Variants in NPFFR1 observed in about 807,000 individuals in gnomAD.
NPFFR1 encodes the protein G-protein coupled receptor 147.
A neutral mutation model predicts 12.7 loss-of-function variants in NPFFR1; 17 were observed. That is an observed-to-expected ratio of 1.34 (90% confidence interval 0.92 to 2.01). NPFFR1 has a LOEUF of 2.01. Among genes scored for constraint, NPFFR1 ranks in the 30% most tolerant of loss-of-function variants. NPFFR1 has a pLI of 0.00. For synonymous variants in NPFFR1, 296 were observed against 264.5 expected, an observed-to-expected ratio of 1.12 and a Z score of -1.16; for missense variants, 604 against 606.5, an observed-to-expected ratio of 1.00 and a Z score of 0.04.
At chr10:70,265,981 A>G in intron 2 of NPFFR1, 96 bp downstream of exon 2, 1 of 1,199,430 alleles carries the variant, frequency 8.3e-7, no homozygotes, top group Admixed American at 1.9e-5. Context: ...CCAGCCCAGC[A>G]ATGATATCTG....
Position 70,265,821 on chromosome 10 carries a change from T to G in NPFFR1, c.322+256A>C, listed in dbSNP as rs1238197343. On this transcript the variant is annotated intron_variant, in intron 2 of 3. Coordinates refer to ENST00000277942, the MANE Select transcript of NPFFR1 (RefSeq NM_022146.5). ...GACCATAAACTCTACTTCACTGGAT[T>G]GTTGTGAGGATGAATTAAGATAATG... 3.3e-5 allele frequency among the ~76,000 whole-genome samples: 5 copies of G among 152,312 alleles called. 2 individuals carry two copies. Among genetic ancestry groups the G allele is most frequent in the Admixed American group, 3.3e-4 (5 of 15,294 alleles).
rs752672667 is a variant in NPFFR1 at position 70,255,816 on chromosome 10, A to G, written c.434T>C (p.Ile145Thr). 1 of 1,607,864 alleles carries G rather than the reference A, an allele frequency of 6.2e-7. No individual in the cohort carries two copies. The highest frequency in any genetic ancestry group is 1.1e-5 in the South Asian group (1 of 89,814). Residue 145 changes from isoleucine to threonine, a missense_variant, in exon 4 of 4, where the codon ATC becomes ACC. Transcript: ENST00000277942. The surrounding 1 kb of genome is among the most constrained non-coding windows in gnomAD (Gnocchi z 4.2). The stretch of plus-strand genomic sequence containing the variant: ...CAGCTTCTCGCGGAAAGGGTGCACG[A>G]TGCAGCGGAACCTGCCGCGGGGAGA... ...VAIAVERFRC[I>T]VHPFREKLTL... is the part of the protein sequence containing the mutation.
Position 70,250,672 on chromosome 10 carries a change from A to G in NPFFR1, c.*4285T>C, listed in dbSNP as rs773269209. ...CTGCAAACTGTCTGATTCCATCTAC[A>G]TGACATTCTGAAATCAGATCATCGT... On this transcript the variant is annotated 3_prime_UTR_variant, in exon 4 of 4. Transcript: ENST00000277942. The G allele has an allele frequency of 5.3e-5, 8 of 152,222 alleles. No homozygotes were observed. Among genetic ancestry groups the G allele is most frequent in the Non-Finnish European group, 1.0e-4 (7 of 68,036 alleles). The allele number at this position is 152,222 out of a possible 1,614,324, so 9.4% of individuals were successfully genotyped here.
intron 3 of NPFFR1, 24 bp downstream of exon 3, chr10:70,260,616 T>C: frequency 1.9e-6 from 3 of 1,586,874 alleles, no homozygotes; most frequent in Non-Finnish European, 1.7e-6. Flanking sequence ...GGCTCAGGCA[T>C]AATCCAGCCA....
intron 1 of NPFFR1, among the ~76,000 whole-genome samples, chr10:70,270,878 T>A (rs1840738310): frequency 6.6e-6 from 1 of 152,098 alleles, no homozygotes; most frequent in South Asian, 2.1e-4. Flanking sequence ...GGTGTAATAA[T>A]GGTTGTCTCC....
chr10:70,259,519 G>A lies in NPFFR1; in HGVS notation c.422+1121C>T, dbSNP rs1056924327. Among the ~76,000 whole-genome samples the A allele has an allele frequency of 5.3e-5, 8 of 152,126 alleles. No homozygotes were observed. In the East Asian group the frequency reaches 1.4e-3, roughly 26 times the overall value. On this transcript the variant is annotated intron_variant, in intron 3 of 3. Coordinates refer to ENST00000277942, the MANE Select transcript of NPFFR1 (RefSeq NM_022146.5). Reference sequence around the variant, plus strand: ...CAACAATGATAACAAAACAAAGGTCGATGAAGGGAAGGGACTTCTCCTGAT... The same window carrying A: ...CAACAATGATAACAAAACAAAGGTCAATGAAGGGAAGGGACTTCTCCTGAT...
intron 3 of NPFFR1, among the ~76,000 whole-genome samples, chr10:70,257,665 A>T (rs537152220): frequency 3.3e-4 from 51 of 152,370 alleles, no homozygotes; most frequent in Non-Finnish European, 5.3e-4. Flanking sequence ...GAGGTGGATT[A>T]GTAAAAGAGG....
At position 70,266,173 on chromosome 10, in the gene NPFFR1, T is replaced by C; in HGVS notation, c.226A>G (p.Thr76Ala). 1 of 1,613,978 alleles carries C rather than the reference T, an allele frequency of 6.2e-7. No individual in the cohort carries two copies. The highest frequency in any genetic ancestry group is 1.1e-5 in the South Asian group (1 of 91,068). ...FIVLKNRHMHTVTNMFILNLA... is the reference protein window; with the variant it reads ...FIVLKNRHMHAVTNMFILNLA... Reference sequence around the variant, plus strand: ...TTGAGGATGAACATGTTGGTGACAGTATGCATGTGCCGGTTCTTGAGCACG... The same window carrying C: ...TTGAGGATGAACATGTTGGTGACAGCATGCATGTGCCGGTTCTTGAGCACG... The change falls in exon 2 of 4, where the codon ACT becomes GCT. Residue 76 changes from threonine to alanine, a missense_variant. Coordinates refer to ENST00000277942, the MANE Select transcript of NPFFR1 (RefSeq NM_022146.5).
intron 1 of NPFFR1, 49 bp downstream of exon 1, chr10:70,283,621 G>T (rs1840884920): frequency 1.3e-6 from 2 of 1,515,118 alleles, no homozygotes; most frequent in East Asian, 4.9e-5. Flanking sequence ...CCATGCCCCG[G>T]AGTCGGTACC....
In NPFFR1 at chr10:70,252,261, G is replaced by A. The variant is rs554939865; in HGVS notation, c.*2696C>T. The A allele has an allele frequency of 1.3e-5, 2 of 152,364 alleles. No homozygotes were observed. Among genetic ancestry groups the A allele is most frequent in the Non-Finnish European group, 2.9e-5 (2 of 68,056 alleles). 9.4% of individuals were successfully genotyped at this position (152,364 alleles called of 1,614,324 possible). Reference sequence around the variant, plus strand: ...ATGAACCTTGAAGACATTGTGCTAAGTGAAAGAAGCCAGTCAAAAAGGATA... The same window carrying A: ...ATGAACCTTGAAGACATTGTGCTAAATGAAAGAAGCCAGTCAAAAAGGATA... On this transcript the variant is annotated 3_prime_UTR_variant, in exon 4 of 4. Transcript: ENST00000277942.
In NPFFR1 at chr10:70,283,725, G is replaced by T. The variant is rs372700299; in HGVS notation, c.-49C>A. ...GCGGTCTCCGATGGCGGGAGGCAGC[G>T]GGCCCCTTCGGGCCAGCGGGCAGAG... On this transcript the variant is annotated 5_prime_UTR_variant, in exon 1 of 4. Coordinates refer to ENST00000277942, the MANE Select transcript of NPFFR1 (RefSeq NM_022146.5). 2.7e-3 allele frequency: 4,181 copies of T among 1,531,078 alleles called. 97 individuals carry two copies. In the African/African-American group the frequency reaches 0.05, roughly 18 times the overall value. 94.8% of individuals were successfully genotyped at this position (1,531,078 alleles called of 1,614,324 possible).
At chr10:70,256,492 G>C (rs973652140) in intron 3 of NPFFR1, among the ~76,000 whole-genome samples, 6 of 152,196 alleles carry the variant, frequency 3.9e-5, no homozygotes, top group Admixed American at 3.9e-4. Context: ...CACAGTTTCT[G>C]TTTATGGATT....
Position 70,255,610 on chromosome 10 carries a change from T to C in NPFFR1, c.640A>G (p.Arg214Gly). 1 of 1,564,270 alleles carries C rather than the reference T, an allele frequency of 6.4e-7. No individual in the cohort carries two copies. The highest frequency in any genetic ancestry group is 8.7e-7 in the Non-Finnish European group (1 of 1,154,756). ...WEAWPEKGMR[R>G]VYTTVLFSHI... ...GAGAAGAGCACAGTGGTGTAGACCCTGCGCATGCCCTTCTCGGGCCAGGCC... is the reference window on the plus strand; with the variant it reads ...GAGAAGAGCACAGTGGTGTAGACCCCGCGCATGCCCTTCTCGGGCCAGGCC... The change falls in exon 4 of 4, where the codon AGG becomes GGG. Residue 214 changes from arginine to glycine, a missense_variant. Coordinates refer to ENST00000277942, the MANE Select transcript of NPFFR1 (RefSeq NM_022146.5). This position sits in a 1 kb window ranked among gnomAD's most constrained non-coding sequence, Gnocchi z 4.2.
intron 3 of NPFFR1, among the ~76,000 whole-genome samples, chr10:70,258,165 T>G (rs561005700): frequency 3.3e-5 from 5 of 152,250 alleles, no homozygotes; most frequent in African/African-American, 1.2e-4. Context: ...TTTCTCAGTC[T>G]CTCATCCCAC....
intron 1 of NPFFR1, chr10:70,278,056 A>T (rs1451178823): frequency 8.0e-6 from 4 of 502,212 alleles, no homozygotes; most frequent in African/African-American, 7.8e-5. Context: ...CTCAAGCTGG[A>T]TATGGGAACT....
At chr10:70,261,168 C>T (rs886975748) in intron 2 of NPFFR1, among the ~76,000 whole-genome samples, 11 of 152,118 alleles carry the variant, frequency 7.2e-5, no homozygotes, top group African/African-American at 2.7e-4. Context: ...GTAACTGAAT[C>T]GTGGGAGTGG....
In NPFFR1 at chr10:70,249,021, A is replaced by G. The variant is rs1840483077; in HGVS notation, c.*5936T>C. On this transcript the variant is annotated 3_prime_UTR_variant, in exon 4 of 4. Coordinates refer to ENST00000277942, the MANE Select transcript of NPFFR1 (RefSeq NM_022146.5). ...CAAACATCACCTCTTCACAGAGGCC[A>G]TTCCTAACCATCTGTTCAAATAGCC... 1 of 152,182 alleles carries G rather than the reference A, an allele frequency of 6.6e-6. No homozygotes were observed. Among genetic ancestry groups the G allele is most frequent in the African/African-American group, 2.4e-5 (1 of 41,452 alleles). 9.4% of individuals were successfully genotyped at this position (152,182 alleles called of 1,614,324 possible). A position where few individuals can be genotyped will look rare whatever the true frequency, so the allele number is the denominator to read the frequency against.
In NPFFR1 at chr10:70,254,884, G is replaced by A; in HGVS notation, c.*73C>T. 7.3e-7 allele frequency: 1 copy of A among 1,361,786 alleles called. No homozygotes were observed. Among genetic ancestry groups the A allele is most frequent in the Non-Finnish European group, 9.4e-7 (1 of 1,061,898 alleles). The allele number at this position is 1,361,786 out of a possible 1,614,324, so 84.4% of individuals were successfully genotyped here. A position where few individuals can be genotyped will look rare whatever the true frequency, so the allele number is the denominator to read the frequency against. ...CACGCATCCTCACCTAACCACACCA[G>A]GCCGCTATCGCCTGCATGTATCTCG... On this transcript the variant is annotated 3_prime_UTR_variant, in exon 4 of 4. Coordinates refer to ENST00000277942, the MANE Select transcript of NPFFR1 (RefSeq NM_022146.5).
At chr10:70,270,824 C>G (rs896564435) in intron 1 of NPFFR1, among the ~76,000 whole-genome samples, 2 of 152,148 alleles carry the variant, frequency 1.3e-5, no homozygotes, top group Non-Finnish European at 2.9e-5. Context: ...CATCCTTGAA[C>G]CCGGTGAAGC....
Sources: allele counts gnomAD v4.1 joint callset (sites outside exome capture counted in the v4.1 genomes callset), GRCh38; gene constraint gnomAD v4.1.1; non-coding constraint Gnocchi (gnomAD v3.1); transcripts MANE v1.5; gene names NCBI Gene and HGNC (gene_info 2026-07-23, HGNC 2026-07-21).